The following TTF2 variants were observed in gnomAD, a reference collection of about 807,000 sequenced individuals.
TTF2 encodes the protein RNA polymerase II termination factor.
Under a neutral mutation model 142.4 loss-of-function variants are expected in TTF2, and 108 were observed. The observed-to-expected ratio is 0.76, with a 90% confidence interval of 0.65 to 0.89. TTF2 has a LOEUF of 0.89. Among genes scored for constraint, TTF2 ranks in the 40% least tolerant of loss-of-function variants. The pLI is 0.00. For missense variants in TTF2, 1,327 were observed against 1,379.8 expected, an observed-to-expected ratio of 0.96 and a Z score of 0.61; for synonymous variants, 483 against 506.2, an observed-to-expected ratio of 0.95 and a Z score of 0.61.
At position 117,088,722 on chromosome 1, in the gene TTF2, C is replaced by T. The variant is rs758621023; in HGVS notation, c.2161-79C>T. The T allele has an allele frequency of 6.0e-6, 9 of 1,497,084 alleles. No individual in the cohort carries two copies. The Admixed American group carries it at 1.1e-4, about 18-fold the overall frequency. 92.7% of individuals were successfully genotyped at this position (1,497,084 alleles called of 1,614,324 possible). A position where few individuals can be genotyped will look rare whatever the true frequency, so the allele number is the denominator to read the frequency against. On this transcript the variant is annotated intron_variant, in intron 12 of 22. Transcript: ENST00000369466. ...GGTAAATGTGGGTCCTCCATGCTTGCCTGCTATTTCCCCTTGTGTCCTTAA... is the reference window on the plus strand; with the variant it reads ...GGTAAATGTGGGTCCTCCATGCTTGTCTGCTATTTCCCCTTGTGTCCTTAA...
At position 117,087,418 on chromosome 1, in the gene TTF2, A is replaced by C. The variant is rs1423839470; in HGVS notation, c.2160+896A>C. ...GCGATTCTCCTGCCTCAGCTTCCCA[A>C]GTAGCTGGGATAACAGGTGCCCGCC... On this transcript the variant is annotated intron_variant, in intron 12 of 22. Coordinates refer to ENST00000369466, the MANE Select transcript of TTF2 (RefSeq NM_003594.4). This position sits in a 1 kb window ranked among gnomAD's most constrained non-coding sequence, Gnocchi z 4.8. Among the ~76,000 whole-genome samples, 3 of 152,012 alleles carry C rather than the reference A, an allele frequency of 2.0e-5. No homozygotes were observed. Among genetic ancestry groups the C allele is most frequent in the African/African-American group, 7.3e-5 (3 of 41,362 alleles).
intron 21 of TTF2, 188 bp from the exon 22 acceptor site, chr1:117,098,645 A>G (rs1316596381): frequency 1.2e-5 from 6 of 515,424 alleles, no homozygotes; most frequent in Admixed American, 6.9e-5. Context: ...TTCAGGCCAC[A>G]TAGTTCTCTG....
At chr1:117,065,889 T>C (rs1656061928) in intron 3 of TTF2, among the ~76,000 whole-genome samples, 1 of 151,880 alleles carries the variant, frequency 6.6e-6, no homozygotes, top group Non-Finnish European at 1.5e-5. Flanking sequence ...TTTGACCCAA[T>C]TTGCATTAAA....
At position 117,075,962 on chromosome 1, in the gene TTF2, G is replaced by A; in HGVS notation, c.1275+103G>A. ...GAAGGGTTAAATATGTTCATGTGAA[G>A]GTTTTATAGGTGCATGTTCAGTTTC... is the stretch of plus-strand genomic sequence containing the variant. On this transcript the variant is annotated intron_variant, in intron 5 of 22. Coordinates refer to ENST00000369466, the MANE Select transcript of TTF2 (RefSeq NM_003594.4). The surrounding 1 kb of genome is among the most constrained non-coding windows in gnomAD (Gnocchi z 4.5). 2 of 1,453,558 alleles carry A rather than the reference G, an allele frequency of 1.4e-6. No individual in the cohort carries two copies. The highest frequency in any genetic ancestry group is 1.8e-6 in the Non-Finnish European group (2 of 1,092,910). 90.0% of individuals were successfully genotyped at this position (1,453,558 alleles called of 1,614,324 possible).
In TTF2 at chr1:117,079,909, G is replaced by C. The variant is rs1377380927; in HGVS notation, c.1783+260G>C. Among the ~76,000 whole-genome samples the C allele has an allele frequency of 6.6e-6, 1 of 152,048 alleles. No individual in the cohort carries two copies. ...GAGAGGAGGAGTTTATTTTTTGGTG[G>C]CTCCCACAATCTCTAGGAGATACGG... On this transcript the variant is annotated intron_variant, in intron 9 of 22. Coordinates refer to ENST00000369466, the MANE Select transcript of TTF2 (RefSeq NM_003594.4). This position sits in a 1 kb window ranked among gnomAD's most constrained non-coding sequence, Gnocchi z 4.2.
chr1:117,088,875 C>G lies in TTF2; in HGVS notation c.2235C>G (p.Pro745=). Residue 745 remains proline (P), a synonymous_variant, in exon 13 of 23, where the codon CCC becomes CCG. Transcript: ENST00000369466. The part of the protein sequence containing the change: ...ILDEAHNVKN[P]RVQTSIAVCK... ...ATGAAGCTCACAATGTTAAGAATCCCCGAGTGCAGACTTCCATAGCTGTGT... is the reference window on the plus strand; with the variant it reads ...ATGAAGCTCACAATGTTAAGAATCCGCGAGTGCAGACTTCCATAGCTGTGT... 1 of 1,614,188 alleles carries G rather than the reference C, an allele frequency of 6.2e-7. No homozygotes were observed. Among genetic ancestry groups the G allele is most frequent in the South Asian group, 1.1e-5 (1 of 91,086 alleles).
rs754001847 is a variant in TTF2, at chr1:117,084,016, A to G, written c.1904-2A>G. ...AGGCACTGATTTTTTTCCCTTCTCA[A>G]GACTCTTGTGACTTTACTTCCCATG... On this transcript the variant is annotated splice_acceptor_variant, in intron 10 of 22. Coordinates refer to ENST00000369466, the MANE Select transcript of TTF2 (RefSeq NM_003594.4). LOFTEE classifies it high-confidence loss of function. The G allele has an allele frequency of 1.2e-6, 2 of 1,613,998 alleles. No homozygotes were observed. The highest frequency in any genetic ancestry group is 1.7e-6 in the Non-Finnish European group (2 of 1,179,940).
Position 117,089,260 on chromosome 1 carries a change from C to CTATATATATA in TTF2, c.2342+286_2342+295dup, listed in dbSNP as rs10524337. Among the ~76,000 whole-genome samples, 741 of 137,516 alleles carry CTATATATATA rather than the reference C, an allele frequency of 5.4e-3. 19 individuals carry two copies. The highest frequency in any genetic ancestry group is 7.9e-3 in the Admixed American group (112 of 14,180). 90.2% of individuals were successfully genotyped at this position (137,516 alleles called of 152,430 possible). On this transcript the variant is annotated intron_variant, in intron 13 of 22. Transcript: ENST00000369466. ...TATGCAAAATATATGCAAATATATG[C>CTATATATATA]TATATATATATATATATGCAAAAAT...
intron 18 of TTF2, among the ~76,000 whole-genome samples, chr1:117,094,070 G>A (rs896649521): frequency 6.6e-6 from 1 of 152,182 alleles, no homozygotes; most frequent in African/African-American, 2.4e-5. Context: ...AATAACAGAT[G>A]TAGCTGCTTT....
Position 117,105,285 on chromosome 1 carries a change from T to A in TTF2, c.*3761T>A, listed in dbSNP as rs1649859949. ...GCAACATTCCTGAGCACCGGATTTA[T>A]AAGGCATTTCTTACTCGACAGAATT... is the stretch of plus-strand genomic sequence containing the variant. On this transcript the variant is annotated 3_prime_UTR_variant, in exon 23 of 23. Transcript: ENST00000369466. This position sits in a 1 kb window ranked among gnomAD's most constrained non-coding sequence, Gnocchi z 4.7. 6.6e-6 allele frequency: 1 copy of A among 152,230 alleles called. No individual in the cohort carries two copies. The highest frequency in any genetic ancestry group is 1.5e-5 in the Non-Finnish European group (1 of 68,042). The allele number at this position is 152,230 out of a possible 1,614,324, so 9.4% of individuals were successfully genotyped here. A position where few individuals can be genotyped will look rare whatever the true frequency, so the allele number is the denominator to read the frequency against.
rs201151490 is a variant in TTF2 at position 117,075,881 on chromosome 1, G to C, written c.1275+22G>C. The C allele has an allele frequency of 5.7e-6, 9 of 1,581,270 alleles. No homozygotes were observed. The highest frequency in any genetic ancestry group is 7.7e-6 in the Non-Finnish European group (9 of 1,166,780). ...GAAGGTAACTATTGACTCGTGTTTT[G>C]TTTCTGAGGTCAGAGCATTGCTTGT... On this transcript the variant is annotated intron_variant, in intron 5 of 22. Coordinates refer to ENST00000369466, the MANE Select transcript of TTF2 (RefSeq NM_003594.4). The surrounding 1 kb of genome is among the most constrained non-coding windows in gnomAD (Gnocchi z 4.5).
chr1:117,075,753 G>T lies in TTF2; in HGVS notation c.1169G>T (p.Ser390Ile). Residue 390 changes from serine (S) to isoleucine (I), a missense_variant, in exon 5 of 23, where the codon AGT becomes ATT. Coordinates refer to ENST00000369466, the MANE Select transcript of TTF2 (RefSeq NM_003594.4). This position sits in a 1 kb window ranked among gnomAD's most constrained non-coding sequence, Gnocchi z 4.5. ...GAAAACCTCCAATTCCCTGATCGAA[G>T]TGTGCAAAGAAAGGTGTCTCCTGCC... is the stretch of plus-strand genomic sequence containing the variant. ...TKENLQFPDR[S>I]VQRKVSPASG... 1 of 1,614,214 alleles carries T rather than the reference G, an allele frequency of 6.2e-7. No individual in the cohort carries two copies. Among genetic ancestry groups the T allele is most frequent in the African/African-American group, 1.3e-5 (1 of 75,056 alleles).
In TTF2 at chr1:117,100,313, A is replaced by G. The variant is rs759836219; in HGVS notation, c.3345-1067A>G. Reference sequence around the variant, plus strand: ...TTTCCACTTACCAAGTCCTTTAGTTATATTTTCTAAATGTTTCTGATAACC... The same window carrying G: ...TTTCCACTTACCAAGTCCTTTAGTTGTATTTTCTAAATGTTTCTGATAACC... On this transcript the variant is annotated intron_variant, in intron 22 of 22. Transcript: ENST00000369466. This position sits in a 1 kb window ranked among gnomAD's most constrained non-coding sequence, Gnocchi z 4.6. Among the ~76,000 whole-genome samples, 33 of 152,234 alleles carry G rather than the reference A, an allele frequency of 2.2e-4. No individual in the cohort carries two copies. The highest frequency in any genetic ancestry group is 7.9e-4 in the African/African-American group (33 of 41,526).
At position 117,097,340 on chromosome 1, in the gene TTF2, T is replaced by C. The variant is rs1365605887; in HGVS notation, c.3187-11T>C. On this transcript the variant is annotated splice_polypyrimidine_tract_variant and intron_variant, in intron 20 of 22. Coordinates refer to ENST00000369466, the MANE Select transcript of TTF2 (RefSeq NM_003594.4). The surrounding 1 kb of genome is among the most constrained non-coding windows in gnomAD (Gnocchi z 4.1). ...GTCTGTTTAAAGTTAATGTTGTGTT[T>C]CCTTTTGAAGGTAATGCTAATCTCT... 6.2e-7 allele frequency: 1 copy of C among 1,613,812 alleles called. No homozygotes were observed. Among genetic ancestry groups the C allele is most frequent in the East Asian group, 2.2e-5 (1 of 44,894 alleles).
intron 3 of TTF2, among the ~76,000 whole-genome samples, chr1:117,071,806 A>G (rs981623961): frequency 3.9e-5 from 6 of 152,198 alleles, no homozygotes; most frequent in African/African-American, 1.2e-4. Context: ...AGCTGAAAAT[A>G]TACCTGGACA....
intron 3 of TTF2, among the ~76,000 whole-genome samples, chr1:117,071,696 A>G (rs1394087583): frequency 6.6e-6 from 1 of 152,232 alleles, no homozygotes; most frequent in East Asian, 1.9e-4. Context: ...TTAGGTAATT[A>G]CATAAATCAG....
At position 117,062,247 on chromosome 1, in the gene TTF2, T is replaced by C. The variant is rs1381819422; in HGVS notation, c.132-140T>C. The C allele has an allele frequency of 8.7e-6, 6 of 689,502 alleles. No individual in the cohort carries two copies. The South Asian group carries it at 9.8e-5, about 11-fold the overall frequency. 42.7% of individuals were successfully genotyped at this position (689,502 alleles called of 1,614,324 possible). On this transcript the variant is annotated intron_variant, in intron 2 of 22. Transcript: ENST00000369466. ...TTCCCCAAAGGAATGCCCATAGCTG[T>C]GATAATGTGTGGGAATTACAAACCC...
In TTF2 at chr1:117,100,570, T is replaced by C. The variant is rs1006270100; in HGVS notation, c.3345-810T>C. ...CCAGCCTCTTGAGCTTTTGCCATTG[T>C]GGACAACATGGTCAATGTGAACTTC... is the stretch of plus-strand genomic sequence containing the variant. On this transcript the variant is annotated intron_variant, in intron 22 of 22. Coordinates refer to ENST00000369466, the MANE Select transcript of TTF2 (RefSeq NM_003594.4). The surrounding 1 kb of genome is among the most constrained non-coding windows in gnomAD (Gnocchi z 4.6). Among the ~76,000 whole-genome samples the C allele has an allele frequency of 2.0e-5, 3 of 152,228 alleles. No homozygotes were observed. Among genetic ancestry groups the C allele is most frequent in the Admixed American group, 6.5e-5 (1 of 15,276 alleles).
chr1:117,060,714 G>A (rs1655603616), intron 2 of TTF2, among the ~76,000 whole-genome samples, 157 bp downstream of exon 2: 2 of 152,246 alleles, frequency 1.3e-5, no homozygotes, highest in Non-Finnish European at 2.9e-5. Flanking sequence ...CCAGGGCAGC[G>A]TGGCGTGTTC....
Sources: gnomAD v4.1 joint callset for allele counts (sites outside exome capture counted in the v4.1 genomes callset) on GRCh38, gnomAD v4.1.1 for gene constraint, Gnocchi (gnomAD v3.1) non-coding constraint, MANE v1.5 for transcripts, NCBI Gene and HGNC (gene_info 2026-07-23, HGNC 2026-07-21) for gene names.